The following PARD3B variants were observed in gnomAD, a reference collection of about 807,000 sequenced individuals.
PARD3B encodes the protein par-3 family cell polarity regulator beta.
PARD3B carries 103 observed loss-of-function variants against 130.2 expected under a neutral mutation model. That is an observed-to-expected ratio of 0.79 (90% CI 0.67 to 0.93). The LOEUF (loss-of-function observed/expected upper bound fraction) is 0.93, where lower values mean the gene tolerates loss of function less well. Ranked by LOEUF, PARD3B falls within the 40% of genes least tolerant of loss-of-function variation. The pLI, the probability that PARD3B is intolerant of heterozygous loss-of-function variation, is 0.00. For missense variants in PARD3B, 1,609 were observed against 1,499.2 expected, an observed-to-expected ratio of 1.07 and a Z score of -1.21; for synonymous variants, 583 against 553.2, an observed-to-expected ratio of 1.05 and a Z score of -0.76.
intron 19 of PARD3B, among the ~76,000 whole-genome samples, chr2:205,419,222 T>G (rs2046881896): frequency 6.6e-6 from 1 of 152,168 alleles, no homozygotes; most frequent in South Asian, 2.1e-4. Flanking sequence ...TGATAGTGAG[T>G]AAGTCTCACA....
chr2:205,132,782 G>A (rs2032124199), intron 10 of PARD3B, among the ~76,000 whole-genome samples: 1 of 152,108 alleles, frequency 6.6e-6, no homozygotes, highest in African/African-American at 2.4e-5. Context: ...TTAAAAATGA[G>A]GATAAAAGCA....
intron 18 of PARD3B, among the ~76,000 whole-genome samples, chr2:205,355,444 C>T (rs2044157377): frequency 6.6e-6 from 1 of 152,126 alleles, no homozygotes; most frequent in African/African-American, 2.4e-5. Context: ...TATTATTTTT[C>T]ATATCTTTAT....
At chr2:205,610,412 G>A (rs2055189508) in intron 22 of PARD3B, among the ~76,000 whole-genome samples, 1 of 152,156 alleles carries the variant, frequency 6.6e-6, no homozygotes, top group African/African-American at 2.4e-5. Context: ...TTATGACAGA[G>A]ACAAAGAAAA....
At chr2:205,330,990 G>A (rs934964456) in intron 18 of PARD3B, among the ~76,000 whole-genome samples, 2 of 152,016 alleles carry the variant, frequency 1.3e-5, no homozygotes, top group African/African-American at 4.8e-5. Flanking sequence ...TCTCTTCCTC[G>A]ACGGAAAAGA....
intron 2 of PARD3B, among the ~76,000 whole-genome samples, chr2:204,794,920 CA>C (rs1377423729): frequency 1.1e-4 from 17 of 152,034 alleles, no homozygotes; most frequent in African/African-American, 3.9e-4. Flanking sequence ...TTATTCTTAT[CA>C]TCATTAATAT....
At chr2:204,804,557 T>G (rs1188248553) in intron 2 of PARD3B, among the ~76,000 whole-genome samples, 1 of 152,180 alleles carries the variant, frequency 6.6e-6, no homozygotes, top group African/African-American at 2.4e-5. Flanking sequence ...GAGACTTCAC[T>G]CTGCTTCTAG....
chr2:204,620,853 C>G (rs548188458), intron 1 of PARD3B, among the ~76,000 whole-genome samples: 14 of 152,206 alleles, frequency 9.2e-5, no homozygotes, highest in African/African-American at 3.1e-4. Context: ...GGGCAAGGAA[C>G]AGAGGAGTTT....
intron 2 of PARD3B, among the ~76,000 whole-genome samples, chr2:204,808,716 C>A (rs1225084620): frequency 6.6e-6 from 1 of 152,134 alleles, no homozygotes; most frequent in Non-Finnish European, 1.5e-5. Context: ...ACCACATTTT[C>A]TGTATCCAGT....
intron 10 of PARD3B, among the ~76,000 whole-genome samples, chr2:205,155,980 C>T (rs1190718154): frequency 4.6e-5 from 7 of 151,938 alleles, no homozygotes; most frequent in African/African-American, 1.5e-4. Context: ...TATTGCGGCA[C>T]TATTCACAAT....
chr2:204,872,483 T>C (rs1016721317), intron 2 of PARD3B, among the ~76,000 whole-genome samples: 1 of 152,108 alleles, frequency 6.6e-6, no homozygotes, highest in East Asian at 1.9e-4. Flanking sequence ...AAGGTATTCA[T>C]TTTTTGTGTT....
chr2:205,381,817 G>C (rs933749895), intron 18 of PARD3B, among the ~76,000 whole-genome samples: 1 of 151,894 alleles, frequency 6.6e-6, no homozygotes, highest in Non-Finnish European at 1.5e-5. Flanking sequence ...GTAGGAAAGG[G>C]GAATTAGTAC....
chr2:205,309,751 C>T lies in PARD3B; in HGVS notation c.2630+8050C>T, dbSNP rs1002707385. On this transcript the variant is annotated intron_variant, in intron 18 of 22. Transcript: ENST00000406610. This position sits in a 1 kb window ranked among gnomAD's most constrained non-coding sequence, Gnocchi z 4.7. ...CAAGCTCTGCGGCCTTCACGAGTCC[C>T]TTTGAGTTTCAGTCACCTCCTCATC... 1.8e-4 allele frequency among the ~76,000 whole-genome samples: 28 copies of T among 152,138 alleles called. No homozygotes were observed. Among genetic ancestry groups the T allele is most frequent in the Non-Finnish European group, 3.2e-4 (22 of 68,024 alleles).
intron 1 of PARD3B, among the ~76,000 whole-genome samples, chr2:204,580,356 T>G (rs905785664): frequency 3.9e-5 from 6 of 152,186 alleles, no homozygotes; most frequent in South Asian, 2.1e-4. Context: ...AACCCAGGCC[T>G]TCTTTCTGGG....
intron 14 of PARD3B, among the ~76,000 whole-genome samples, chr2:205,188,082 G>T (rs1304010479): frequency 2.0e-5 from 3 of 152,186 alleles, no homozygotes; most frequent in Non-Finnish European, 4.4e-5. Flanking sequence ...CAGATAATTA[G>T]GATGCAGCCA....
At chr2:204,559,292 A>G (rs1000561693) in intron 1 of PARD3B, among the ~76,000 whole-genome samples, 1 of 152,256 alleles carries the variant, frequency 6.6e-6, no homozygotes, top group African/African-American at 2.4e-5. Flanking sequence ...AAATCTACCC[A>G]TCTGACAAAG....
At position 204,839,608 on chromosome 2, in the gene PARD3B, C is replaced by T. The variant is rs2044188269; in HGVS notation, c.223-125544C>T. 4.6e-5 allele frequency among the ~76,000 whole-genome samples: 7 copies of T among 152,236 alleles called. No homozygotes were observed. The South Asian group carries it at 1.5e-3, about 32-fold the overall frequency. ...GAGAGATGATTTGTATAATCTTTCT[C>T]TTCTCCACATCCCACTGTTCCCTGT... On this transcript the variant is annotated intron_variant, in intron 2 of 22. Coordinates refer to ENST00000406610, the MANE Select transcript of PARD3B (RefSeq NM_001302769.2).
intron 20 of PARD3B, among the ~76,000 whole-genome samples, chr2:205,459,792 C>G (rs2048389294): frequency 1.3e-5 from 2 of 152,182 alleles, no homozygotes; most frequent in Non-Finnish European, 2.9e-5. Flanking sequence ...GCTTCCTTCT[C>G]TCGTGGCTCA....
intron 4 of PARD3B, among the ~76,000 whole-genome samples, chr2:205,049,340 G>A (rs1699025597): frequency 6.6e-6 from 1 of 152,108 alleles, no homozygotes; most frequent in Non-Finnish European, 1.5e-5. Flanking sequence ...GGAGAGAGAA[G>A]TGCAGAGTGA....
At chr2:205,556,928 A>G (rs932538532) in intron 22 of PARD3B, among the ~76,000 whole-genome samples, 13 of 152,186 alleles carry the variant, frequency 8.5e-5, no homozygotes, top group Non-Finnish European at 1.8e-4. Context: ...CCCAGGTCCC[A>G]TTCTGATTTC....
Sources: allele counts gnomAD v4.1 joint callset (sites outside exome capture counted in the v4.1 genomes callset), GRCh38; gene constraint gnomAD v4.1.1; non-coding constraint Gnocchi (gnomAD v3.1); transcripts MANE v1.5; gene names NCBI Gene and HGNC (gene_info 2026-07-23, HGNC 2026-07-21).